SUPT5H: variants seen among roughly 807,000 people sequenced by gnomAD.
SUPT5H encodes the protein SPT5 homolog, DSIF elongation factor subunit, also known as transcription elongation factor SPT5.
In SUPT5H, 24 loss-of-function variants were observed where a neutral mutation model predicts 142.5. The ratio of observed to expected loss-of-function variants is 0.17; its 90% CI spans 0.12 to 0.24. The LOEUF is 0.24. SUPT5H is among the 10% of genes least tolerant of loss of function. The pLI is 1.00. For missense variants in SUPT5H, 893 were observed against 1,471.8 expected (o/e 0.61, Z 6.43); for synonymous variants, 546 against 553.0 (o/e 0.99, Z 0.18).
chr19:39,475,623 C>CT (rs2079394660), intron 28 of SUPT5H, among the ~76,000 whole-genome samples: 1 of 151,860 alleles, frequency 6.6e-6, no homozygotes, highest in South Asian at 2.1e-4. Context: ...TGGGGCAGGG[C>CT]TGTGGGGAAG....
intron 10 of SUPT5H, among the ~76,000 whole-genome samples, chr19:39,461,838 AAATAAT>A (rs1206908906): frequency 7.9e-5 from 11 of 138,470 alleles, no homozygotes; most frequent in African/African-American, 3.0e-4. Context: ...AAAAAAAAAA[AAATAAT>A]AATAATAATA....
rs201227518 is a variant in SUPT5H, at chr19:39,469,236, A to G, written c.1238-26A>G. 1.7e-5 allele frequency: 28 copies of G among 1,614,198 alleles called. No homozygotes were observed. The highest frequency in any genetic ancestry group is 3.3e-4 in the Middle Eastern group (2 of 6,062). On this transcript the variant is annotated intron_variant, in intron 15 of 29. Coordinates refer to ENST00000432763, the MANE Select transcript of SUPT5H (RefSeq NM_001111020.3). This position sits in a 1 kb window ranked among gnomAD's most constrained non-coding sequence, Gnocchi z 5.1. ...GGGCGGCCCATGGTGGCAACCCCCG[A>G]GTCAGCCCTACGACTGCCCCTGCAG... is the stretch of plus-strand genomic sequence containing the variant.
At chr19:39,475,386 G>C (rs1261754399) in intron 28 of SUPT5H, among the ~76,000 whole-genome samples, 1 of 118,996 alleles carries the variant, frequency 8.4e-6, no homozygotes, top group East Asian at 2.3e-4. Context: ...GACAGAGCAA[G>C]ACTCCTCAAA....
In SUPT5H at chr19:39,470,836, C is replaced by T. The variant is rs2079309723; in HGVS notation, c.1677+313C>T. Among the ~76,000 whole-genome samples the T allele has an allele frequency of 6.6e-6, 1 of 152,168 alleles. No homozygotes were observed. Among genetic ancestry groups the T allele is most frequent in the African/African-American group, 2.4e-5 (1 of 41,418 alleles). ...TGGAGTGCCACATGTGCCCTCCTGC[C>T]TTTGCTCCTTCCTCATGGATGTGGG... On this transcript the variant is annotated intron_variant, in intron 18 of 29. Coordinates refer to ENST00000432763, the MANE Select transcript of SUPT5H (RefSeq NM_001111020.3). The surrounding 1 kb of genome is among the most constrained non-coding windows in gnomAD (Gnocchi z 5.8).
Position 39,470,176 on chromosome 19 carries a change from G to A in SUPT5H, c.1432G>A (p.Val478Met). The change falls in exon 17 of 30, where the codon GTG becomes ATG. Residue 478 changes from valine (V) to methionine (M), a missense_variant. Coordinates refer to ENST00000432763, the MANE Select transcript of SUPT5H (RefSeq NM_001111020.3). The surrounding 1 kb of genome is among the most constrained non-coding windows in gnomAD (Gnocchi z 5.8). ...AAAATACTTCAAGATGGGGGACCAC[G>A]TGAAGGTGATTGCTGGCCGATTCGA... ...LRKYFKMGDH[V>M]KVIAGRFEGD... is the part of the protein sequence containing the mutation. 1.2e-6 allele frequency: 2 copies of A among 1,612,656 alleles called. No individual in the cohort carries two copies. The highest frequency in any genetic ancestry group is 1.1e-5 in the South Asian group (1 of 90,880).
In SUPT5H at chr19:39,447,450, CT is replaced by C. The variant is rs59007555; in HGVS notation, c.75+1503del. On this transcript the variant is annotated intron_variant, in intron 2 of 29. Transcript: ENST00000432763. ...CAAATGTTCTTTTATTTGCCATTATCTTTTTTTTTTTTTTTTTTGAGACAGC... is the reference window on the plus strand; with the variant it reads ...CAAATGTTCTTTTATTTGCCATTATCTTTTTTTTTTTTTTTTTGAGACAGC... 2.1e-3 allele frequency among the ~76,000 whole-genome samples: 274 copies of C among 132,014 alleles called. 2 individuals are homozygous for C. The East Asian group carries it at 0.04, about 19-fold the overall frequency. 86.6% of individuals were successfully genotyped at this position (132,014 alleles called of 152,430 possible). A position where few individuals can be genotyped will look rare whatever the true frequency, so the allele number is the denominator to read the frequency against.
At position 39,471,431 on chromosome 19, in the gene SUPT5H, T is replaced by C. The variant is rs1322141408; in HGVS notation, c.1752T>C (p.Ala584=). 1.2e-6 allele frequency: 2 copies of C among 1,614,224 alleles called. No individual in the cohort carries two copies. The highest frequency in any genetic ancestry group is 1.7e-6 in the Non-Finnish European group (2 of 1,180,036). Residue 584 remains alanine, a synonymous_variant, in exon 19 of 30, where the codon GCT becomes GCC. Transcript: ENST00000432763. ...CCCGGAAGAAGGACAACCGCTTTGC[T>C]GTGGCCTTGGACTCAGAGCAGAACA... ...AVTRKKDNRF[A]VALDSEQNNI...
chr19:39,473,817 A>T lies in SUPT5H; in HGVS notation c.2493-146A>T, dbSNP rs111497479. ...CTGTCAACCACAGTGTCAGCTGTGGAAGGGAAATAACATCAGGAGTGCCTC... is the reference window on the plus strand; with the variant it reads ...CTGTCAACCACAGTGTCAGCTGTGGTAGGGAAATAACATCAGGAGTGCCTC... On this transcript the variant is annotated intron_variant, in intron 25 of 29. Coordinates refer to ENST00000432763, the MANE Select transcript of SUPT5H (RefSeq NM_001111020.3). The surrounding 1 kb of genome is among the most constrained non-coding windows in gnomAD (Gnocchi z 5.8). 3.4e-6 allele frequency: 4 copies of T among 1,163,038 alleles called. No individual in the cohort carries two copies. Among genetic ancestry groups the T allele is most frequent in the African/African-American group, 1.5e-5 (1 of 66,408 alleles). 72.0% of individuals were successfully genotyped at this position (1,163,038 alleles called of 1,614,324 possible).
At position 39,466,345 on chromosome 19, in the gene SUPT5H, T is replaced by C. The variant is rs970778065; in HGVS notation, c.877-135T>C. The C allele has an allele frequency of 1.3e-6, 1 of 775,350 alleles. No homozygotes were observed. The highest frequency in any genetic ancestry group is 2.2e-6 in the Non-Finnish European group (1 of 461,198). The allele number at this position is 775,350 out of a possible 1,614,324, so 48.0% of individuals were successfully genotyped here. On this transcript the variant is annotated intron_variant, in intron 11 of 29. Transcript: ENST00000432763. The surrounding 1 kb of genome is among the most constrained non-coding windows in gnomAD (Gnocchi z 4.3). The stretch of plus-strand genomic sequence containing the variant: ...GACAGACAAGCTAGCGTGGGACTTT[T>C]GGGAGTGGTCAGCAGCCTGGTTTCT...
At chr19:39,456,913 G>C (rs536386562) in intron 3 of SUPT5H, among the ~76,000 whole-genome samples, 39 of 152,332 alleles carry the variant, frequency 2.6e-4, no homozygotes, top group Admixed American at 2.0e-3. Context: ...ACTAGTCACG[G>C]AGTTGCCTTT....
At position 39,472,465 on chromosome 19, in the gene SUPT5H, C is replaced by T. The variant is rs1225660142; in HGVS notation, c.2007C>T (p.Ile669=). 6.2e-7 allele frequency: 1 copy of T among 1,614,068 alleles called. No individual in the cohort carries two copies. The highest frequency in any genetic ancestry group is 1.1e-5 in the South Asian group (1 of 91,088). The change falls in exon 21 of 30, where the codon ATC becomes ATT. Residue 669 remains isoleucine, a synonymous_variant. Coordinates refer to ENST00000432763, the MANE Select transcript of SUPT5H (RefSeq NM_001111020.3). This position sits in a 1 kb window ranked among gnomAD's most constrained non-coding sequence, Gnocchi z 4.2. ...VGGFAPMSPR[I]SSPMHPSAGG... is the part of the protein sequence containing the mutation. ...GCTTTGCGCCTATGAGTCCCCGGAT[C>T]AGCAGCCCCATGCACCCCAGTGCTG...
At chr19:39,459,295 G>C (rs189785280) in intron 8 of SUPT5H, 46 bp downstream of exon 8, 2 of 1,550,598 alleles carry the variant, frequency 1.3e-6, no homozygotes, top group Admixed American at 2.0e-5. Flanking sequence ...TGCGAATCTT[G>C]TATGGGGTGA....
At position 39,446,048 on chromosome 19, in the gene SUPT5H, G is replaced by T. The variant is rs903407154; in HGVS notation, c.75+83G>T. On this transcript the variant is annotated intron_variant, in intron 2 of 29. Coordinates refer to ENST00000432763, the MANE Select transcript of SUPT5H (RefSeq NM_001111020.3). ...AAGGCCCCTGTGGGAGGCTCGAGGG[G>T]TTCACAGCGGGCTCTGGCTTCTGGG... 7.0e-6 allele frequency: 10 copies of T among 1,438,696 alleles called. No homozygotes were observed. In the East Asian group the frequency reaches 2.1e-4, roughly 31 times the overall value. The allele number at this position is 1,438,696 out of a possible 1,614,324, so 89.1% of individuals were successfully genotyped here. A position where few individuals can be genotyped will look rare whatever the true frequency, so the allele number is the denominator to read the frequency against.
Position 39,469,058 on chromosome 19 carries a change from C to T in SUPT5H, c.1144-21C>T. 1.2e-6 allele frequency: 2 copies of T among 1,613,746 alleles called. No individual in the cohort carries two copies. Among genetic ancestry groups the T allele is most frequent in the East Asian group, 2.2e-5 (1 of 44,874 alleles). ...GACCTCGGTCCATTTCCTTCTCTTC[C>T]CCTCACCGCTGGGGGCTTAGATCAC... On this transcript the variant is annotated intron_variant, in intron 14 of 29. Coordinates refer to ENST00000432763, the MANE Select transcript of SUPT5H (RefSeq NM_001111020.3). This position sits in a 1 kb window ranked among gnomAD's most constrained non-coding sequence, Gnocchi z 5.1.
In SUPT5H at chr19:39,474,735, G is replaced by A. The variant is rs772089097; in HGVS notation, c.3024+17G>A. The A allele has an allele frequency of 1.4e-5, 22 of 1,598,680 alleles. No individual in the cohort carries two copies. The highest frequency in any genetic ancestry group is 1.8e-5 in the Non-Finnish European group (21 of 1,172,644). ...AGTGTCACGGTACGTGGGGCCCAGGGTGGTGGGTGAGCAGGCATCCTCTCC... is the reference window on the plus strand; with the variant it reads ...AGTGTCACGGTACGTGGGGCCCAGGATGGTGGGTGAGCAGGCATCCTCTCC... On this transcript the variant is annotated intron_variant, in intron 28 of 29. Coordinates refer to ENST00000432763, the MANE Select transcript of SUPT5H (RefSeq NM_001111020.3). The surrounding 1 kb of genome is among the most constrained non-coding windows in gnomAD (Gnocchi z 6.5).
rs149618269 is a variant in SUPT5H at position 39,474,613 on chromosome 19, G to T, written c.2919G>T (p.Glu973Asp). 11 of 1,614,122 alleles carry T rather than the reference G, an allele frequency of 6.8e-6. No individual in the cohort carries two copies. The African/African-American group carries it at 1.2e-4, about 18-fold the overall frequency. The change falls in exon 28 of 30, where the codon GAG becomes GAT. Residue 973 changes from glutamate to aspartate, a missense_variant. Around this residue, in one of 6 missense-constraint regions of SUPT5H, gnomAD observed 336 missense variants for 546.5 expected, o/e 0.61. Coordinates refer to ENST00000432763, the MANE Select transcript of SUPT5H (RefSeq NM_001111020.3). This position sits in a 1 kb window ranked among gnomAD's most constrained non-coding sequence, Gnocchi z 6.5. ...YNPHTPGSGI[E>D]QNSSDWVTTD... ...CACACACGCCAGGCTCAGGCATCGA[G>T]CAGAACTCCAGCGACTGGGTAACCA...
In SUPT5H at chr19:39,470,033, A is replaced by C. The variant is rs1282373731; in HGVS notation, c.1375-86A>C. 16 of 1,525,156 alleles carry C rather than the reference A, an allele frequency of 1.0e-5. No homozygotes were observed. The highest frequency in any genetic ancestry group is 9.8e-6 in the Non-Finnish European group (11 of 1,122,658). 94.5% of individuals were successfully genotyped at this position (1,525,156 alleles called of 1,614,324 possible). On this transcript the variant is annotated intron_variant, in intron 16 of 29. Coordinates refer to ENST00000432763, the MANE Select transcript of SUPT5H (RefSeq NM_001111020.3). The surrounding 1 kb of genome is among the most constrained non-coding windows in gnomAD (Gnocchi z 5.8). ...AGCCTGAAGTGGGGTTTTTGAGAAC[A>C]TGCGTAGATTCTGAAGACAGGAGGG...
chr19:39,473,610 G>C lies in SUPT5H; in HGVS notation c.2492+89G>C. ...CTGGGGCATTGGAGGGGTTTGTGGGGCCCACCCAGCATTCTCTGCTCCTAG... is the reference window on the plus strand; with the variant it reads ...CTGGGGCATTGGAGGGGTTTGTGGGCCCCACCCAGCATTCTCTGCTCCTAG... On this transcript the variant is annotated intron_variant, in intron 25 of 29. Coordinates refer to ENST00000432763, the MANE Select transcript of SUPT5H (RefSeq NM_001111020.3). This position sits in a 1 kb window ranked among gnomAD's most constrained non-coding sequence, Gnocchi z 5.8. 1 of 1,366,640 alleles carries C rather than the reference G, an allele frequency of 7.3e-7. No individual in the cohort carries two copies. Among genetic ancestry groups the C allele is most frequent in the Non-Finnish European group, 1.0e-6 (1 of 1,004,332 alleles). 84.7% of individuals were successfully genotyped at this position (1,366,640 alleles called of 1,614,324 possible).
chr19:39,458,417 C>A lies in SUPT5H; in HGVS notation c.319+112C>A. On this transcript the variant is annotated intron_variant, in intron 5 of 29. Coordinates refer to ENST00000432763, the MANE Select transcript of SUPT5H (RefSeq NM_001111020.3). This position sits in a 1 kb window ranked among gnomAD's most constrained non-coding sequence, Gnocchi z 4.2. ...CCTCCCCACCAGCCCCGGTCTGGCC[C>A]TGAGGGCTCTGACCCATGTAGGATC... 2 of 1,564,298 alleles carry A rather than the reference C, an allele frequency of 1.3e-6. No homozygotes were observed.
Sources: allele counts gnomAD v4.1 joint callset (sites outside exome capture counted in the v4.1 genomes callset), GRCh38; gene constraint gnomAD v4.1.1; regional missense constraint gnomAD v4.1.1; non-coding constraint Gnocchi (gnomAD v3.1); transcripts MANE v1.5; gene names NCBI Gene and HGNC (gene_info 2026-07-23, HGNC 2026-07-21).